PRKCA: variants seen among roughly 807,000 people sequenced by gnomAD.
PRKCA encodes protein kinase C alpha type.
Under a neutral mutation model 87.0 loss-of-function variants are expected in PRKCA, and 27 were observed. The ratio of observed to expected loss-of-function variants is 0.31; its 90% CI spans 0.23 to 0.43. PRKCA has a LOEUF of 0.43. Ranked by LOEUF, PRKCA falls within the 20% of genes least tolerant of loss-of-function variation. The pLI is 1.00. For missense variants in PRKCA, 518 were observed against 852.3 expected, an observed-to-expected ratio of 0.61 and a Z score of 4.88; for synonymous variants, 329 against 311.1, an observed-to-expected ratio of 1.06 and a Z score of -0.61.
Position 66,738,761 on chromosome 17 carries a change from C to G in PRKCA, c.1231-3C>G, listed in dbSNP as rs1224676816. ...TGCTCATGTGTTGAACCTTGGTCTGCAGGATCGGCTGTACTTCGTCATGGA... is the reference window on the plus strand; with the variant it reads ...TGCTCATGTGTTGAACCTTGGTCTGGAGGATCGGCTGTACTTCGTCATGGA... On this transcript the variant is annotated splice_polypyrimidine_tract_variant and splice_region_variant and intron_variant, in intron 10 of 16. Coordinates refer to ENST00000413366, the MANE Select transcript of PRKCA (RefSeq NM_002737.3). 6.2e-7 allele frequency: 1 copy of G among 1,613,260 alleles called. No homozygotes were observed. Among genetic ancestry groups the G allele is most frequent in the Non-Finnish European group, 8.5e-7 (1 of 1,179,546 alleles).
intron 16 of PRKCA, 77 bp downstream of exon 16, chr17:66,789,056 T>A: frequency 6.6e-7 from 1 of 1,510,926 alleles, no homozygotes; most frequent in Non-Finnish European, 8.8e-7. Flanking sequence ...CCTCTTTTCT[T>A]GGAGAGAGGA....
At chr17:66,322,985 T>C (rs775988858) in intron 2 of PRKCA, among the ~76,000 whole-genome samples, 4 of 152,372 alleles carry the variant, frequency 2.6e-5, no homozygotes, top group Non-Finnish European at 2.9e-5. Context: ...ATCACTATTA[T>C]GACTTTTAGA....
At chr17:66,670,128 C>T (rs973158375) in intron 5 of PRKCA, among the ~76,000 whole-genome samples, 1 of 152,172 alleles carries the variant, frequency 6.6e-6, no homozygotes, top group East Asian at 1.9e-4. Context: ...CCAGTCGTGG[C>T]ATATTCTCAG....
At chr17:66,727,202 GA>G (rs36035631) in intron 8 of PRKCA, among the ~76,000 whole-genome samples, 103,876 of 151,950 alleles carry the variant, frequency 0.68, 35,710 homozygotes, top group African/African-American at 0.72. Flanking sequence ...AGAAAATAGT[GA>G]AAAATATGGA....
intron 3 of PRKCA, among the ~76,000 whole-genome samples, chr17:66,626,523 G>A (rs1362167400): frequency 2.2e-5 from 3 of 137,440 alleles, no homozygotes; most frequent in Non-Finnish European, 4.8e-5. Context: ...CACCAAGCCC[G>A]GCTAATTTTT....
At chr17:66,715,047 CA>C (rs763643373) in intron 8 of PRKCA, among the ~76,000 whole-genome samples, 1 of 152,036 alleles carries the variant, frequency 6.6e-6, no homozygotes, top group African/African-American at 2.4e-5. Flanking sequence ...TTGCTCCTGT[CA>C]GAGACATTTT....
chr17:66,559,479 CA>C (rs34998780), intron 3 of PRKCA, among the ~76,000 whole-genome samples: 92 of 36,714 alleles, frequency 2.5e-3, no homozygotes, highest in African/African-American at 7.5e-3. Context: ...TCTGTCTCAC[CA>C]AAAAAAAAAA....
intron 8 of PRKCA, among the ~76,000 whole-genome samples, chr17:66,701,647 G>A (rs1598883766): frequency 6.6e-6 from 1 of 151,992 alleles, no homozygotes; most frequent in Non-Finnish European, 1.5e-5. Context: ...TTTTAAAATG[G>A]GCAAAAGACC....
chr17:66,634,525 G>A (rs1490746464), intron 3 of PRKCA, among the ~76,000 whole-genome samples: 1 of 152,180 alleles, frequency 6.6e-6, no homozygotes, highest in Non-Finnish European at 1.5e-5. Context: ...ATTTCTTTGT[G>A]GCCCTAAGTC....
intron 8 of PRKCA, among the ~76,000 whole-genome samples, chr17:66,704,135 C>G (rs1973133935): frequency 6.7e-6 from 1 of 148,424 alleles, no homozygotes. Context: ...AAACCTTTTT[C>G]TACATTTATA....
chr17:66,624,822 AT>A (rs1970802821), intron 3 of PRKCA, among the ~76,000 whole-genome samples: 1 of 151,752 alleles, frequency 6.6e-6, no homozygotes, highest in Non-Finnish European at 1.5e-5. Flanking sequence ...AAATAAATAA[AT>A]AAAAAGAATT....
chr17:66,355,857 C>T (rs1908014861), intron 2 of PRKCA, among the ~76,000 whole-genome samples: 1 of 152,036 alleles, frequency 6.6e-6, no homozygotes, highest in Non-Finnish European at 1.5e-5. Context: ...ATATACCTTC[C>T]CAATTATAGG....
chr17:66,720,871 A>T (rs574689868), intron 8 of PRKCA, among the ~76,000 whole-genome samples: 2 of 152,320 alleles, frequency 1.3e-5, no homozygotes, highest in African/African-American at 4.8e-5. Context: ...ACTGTCTTTG[A>T]TAAGTATATT....
chr17:66,436,195 T>C (rs1274770713), intron 2 of PRKCA, among the ~76,000 whole-genome samples: 1 of 152,182 alleles, frequency 6.6e-6, no homozygotes, highest in African/African-American at 2.4e-5. Context: ...TTGGATGGCA[T>C]TGATGTTGAA....
intron 2 of PRKCA, among the ~76,000 whole-genome samples, chr17:66,306,683 G>A (rs1482352132): frequency 6.6e-6 from 1 of 152,118 alleles, no homozygotes; most frequent in African/African-American, 2.4e-5. Context: ...TTACATATCT[G>A]ACAAAACGTG....
chr17:66,491,734 T>A (rs1027469145), intron 2 of PRKCA, among the ~76,000 whole-genome samples: 1 of 152,134 alleles, frequency 6.6e-6, no homozygotes, highest in Non-Finnish European at 1.5e-5. Flanking sequence ...TTTTCCTCTT[T>A]CAACAATGCT....
rs570890069 is a variant in PRKCA, at chr17:66,564,050, C to T, written c.288+67767C>T. Among the ~76,000 whole-genome samples the T allele has an allele frequency of 1.7e-4, 25 of 149,092 alleles. No individual in the cohort carries two copies. The South Asian group carries it at 5.3e-3, about 32-fold the overall frequency. ...TCTTTCTTCCTCTCTTCCTTCCTTT[C>T]TTCCTTTTCTTCCTTTCTTCCTTCT... On this transcript the variant is annotated intron_variant, in intron 3 of 16. Transcript: ENST00000413366.
intron 3 of PRKCA, among the ~76,000 whole-genome samples, chr17:66,565,804 C>G (rs1490651645): frequency 6.6e-6 from 1 of 152,078 alleles, no homozygotes; most frequent in Non-Finnish European, 1.5e-5. Flanking sequence ...AACCTGTTTA[C>G]TATTTTCCAA....
intron 10 of PRKCA, among the ~76,000 whole-genome samples, chr17:66,736,977 G>A (rs370925744): frequency 1.8e-4 from 27 of 152,076 alleles, no homozygotes; most frequent in African/African-American, 4.1e-4. Flanking sequence ...GAGCTCTGTC[G>A]TAAAGTAAAA....
Sources: gnomAD v4.1 joint callset for allele counts (sites outside exome capture counted in the v4.1 genomes callset) on GRCh38, gnomAD v4.1.1 for gene constraint, MANE v1.5 for transcripts, NCBI Gene and HGNC (gene_info 2026-07-23, HGNC 2026-07-21) for gene names.